The following NLRP5 variants were observed in gnomAD, a reference collection of about 807,000 sequenced individuals.
NLRP5 encodes NACHT, LRR and PYD domains-containing protein 5.
In NLRP5, 93 loss-of-function variants were observed where a neutral mutation model predicts 113.1. The ratio of observed to expected loss-of-function variants is 0.82; its 90% CI spans 0.70 to 0.98. The LOEUF is 0.98. Among genes scored for constraint, NLRP5 ranks in the 50% least tolerant of loss-of-function variants. The probability of loss-of-function intolerance (pLI) is 0.00; values close to 1 mark genes in which losing one functional copy is unlikely to be tolerated. For missense variants in NLRP5, 1,808 were observed against 1,514.3 expected (o/e 1.19, Z -3.22); for synonymous variants, 751 against 600.7 (o/e 1.25, Z -3.66).
chr19:55,992,556 C>T, the NLRP5 span, among the ~76,000 whole-genome samples: 7 of 152,216 alleles, frequency 4.6e-5, no homozygotes, highest in South Asian at 2.1e-4. Flanking sequence ...AATAATGACA[C>T]GTAACATTCT....
chr19:56,032,228 C>G (rs1232512365), intron 7 of NLRP5, among the ~76,000 whole-genome samples: 1 of 152,034 alleles, frequency 6.6e-6, no homozygotes, highest in African/African-American at 2.4e-5. Context: ...GCCTGTAGTC[C>G]CAGCTACTCG....
At chr19:56,055,453 T>C (rs1984096117) in intron 13 of NLRP5, among the ~76,000 whole-genome samples, 1 of 151,754 alleles carries the variant, frequency 6.6e-6, no homozygotes, top group Admixed American at 6.6e-5. Flanking sequence ...CTTTATCTTA[T>C]TTCTTATTAA....
chr19:56,015,555 G>A (rs536644764), intron 3 of NLRP5, among the ~76,000 whole-genome samples, 187 bp from the exon 4 acceptor site: 5 of 152,216 alleles, frequency 3.3e-5, no homozygotes, highest in East Asian at 1.9e-4. Flanking sequence ...TTGAATCGTC[G>A]GATCTTGAAT....
At chr19:56,057,091 G>A (rs191300453) in intron 13 of NLRP5, among the ~76,000 whole-genome samples, 43 of 152,282 alleles carry the variant, frequency 2.8e-4, no homozygotes, top group African/African-American at 8.4e-4. Flanking sequence ...AGTCGAGCTC[G>A]TGCCACCACA....
At chr19:56,053,868 T>G in intron 13 of NLRP5, 60 bp downstream of exon 13, 1 of 1,501,500 alleles carries the variant, frequency 6.7e-7, no homozygotes, top group Non-Finnish European at 9.2e-7. Flanking sequence ...GACCCCAGCA[T>G]GAGGTTGCTT....
At chr19:56,058,824 G>A (rs2123347166) in intron 14 of NLRP5, among the ~76,000 whole-genome samples, 1 of 152,288 alleles carries the variant, frequency 6.6e-6, no homozygotes, top group South Asian at 2.1e-4. Flanking sequence ...AAGTAACCCA[G>A]GCGCTCGTGG....
chr19:56,059,768 C>T (rs1984286179), intron 14 of NLRP5, among the ~76,000 whole-genome samples: 1 of 151,908 alleles, frequency 6.6e-6, no homozygotes, highest in Admixed American at 6.5e-5. Flanking sequence ...TCATATGATC[C>T]ACCAGCTTCA....
intron 7 of NLRP5, among the ~76,000 whole-genome samples, chr19:56,031,905 T>G (rs1983130474): frequency 6.6e-6 from 1 of 152,198 alleles, no homozygotes; most frequent in Non-Finnish European, 1.5e-5. Flanking sequence ...CATCCTGATC[T>G]CAGTTCTTCC....
At chr19:56,058,201 G>T in intron 13 of NLRP5, 39 bp from the exon 14 acceptor site, 1 of 1,540,222 alleles carries the variant, frequency 6.5e-7, no homozygotes, top group East Asian at 2.3e-5. Context: ...GTCCATCATC[G>T]ATCTTTGGGG....
In NLRP5 at chr19:56,027,998, G is replaced by T; in HGVS notation, c.1765G>T (p.Asp589Tyr). 6.2e-7 allele frequency: 1 copy of T among 1,613,964 alleles called. No homozygotes were observed. Among genetic ancestry groups the T allele is most frequent in the Middle Eastern group, 1.6e-4 (1 of 6,062 alleles). ...CACCTTCTTCCACCTCAGTCTCCAG[G>T]ACTTCTGTGCCGCCTTGTACTACGT... The change falls in exon 7 of 15, where the codon GAC becomes TAC. Residue 589 changes from aspartate (D) to tyrosine (Y), a missense_variant. Coordinates refer to ENST00000390649, the MANE Select transcript of NLRP5 (RefSeq NM_153447.4).
chr19:56,013,604 T>TTTTTTTTTTTTTTTTTTTTG (rs1306893733), intron 3 of NLRP5, among the ~76,000 whole-genome samples: 1 of 137,312 alleles, frequency 7.3e-6, no homozygotes, highest in Non-Finnish European at 1.6e-5. Flanking sequence ...GGGTTTTTTT[T>TTTTTTTTTTTTTTTTTTTTG]TTTTTTTTTT....
intron 5 of NLRP5, 123 bp downstream of exon 5, chr19:56,019,521 C>G (rs996622460): frequency 9.1e-7 from 1 of 1,103,196 alleles, no homozygotes; most frequent in Non-Finnish European, 1.3e-6. Flanking sequence ...TCATTTGTCT[C>G]TGGTGTCAAC....
At chr19:56,044,150 A>G (rs1599905549) in intron 11 of NLRP5, among the ~76,000 whole-genome samples, 1 of 145,146 alleles carries the variant, frequency 6.9e-6, no homozygotes, top group Admixed American at 6.9e-5. Context: ...TGCAACCTCC[A>G]CCTCCCAGGT....
At chr19:55,988,434 ATGTGTGTGTG>A in the NLRP5 span, 3 of 127,020 alleles carry the variant, frequency 2.4e-5, no homozygotes, top group African/African-American at 9.4e-5. Context: ...AAATATATAT[ATGTGTGTGTG>A]TATATATATA....
chr19:55,992,035 CAGGT>C, the NLRP5 span, among the ~76,000 whole-genome samples: 1 of 152,120 alleles, frequency 6.6e-6, no homozygotes, highest in Non-Finnish European at 1.5e-5. Context: ...CCTCCACCCT[CAGGT>C]AGACCCCAGT....
chr19:56,005,562 C>T (rs1164900580), intron 2 of NLRP5, among the ~76,000 whole-genome samples: 1 of 129,752 alleles, frequency 7.7e-6, no homozygotes, highest in Admixed American at 8.3e-5. Context: ...CCTGTACACA[C>T]ATATATATTT....
At chr19:56,024,471 G>A (rs985661047) in intron 6 of NLRP5, among the ~76,000 whole-genome samples, 6 of 145,086 alleles carry the variant, frequency 4.1e-5, no homozygotes, top group South Asian at 2.1e-4. Flanking sequence ...ACATATATAC[G>A]TGTGTATACG....
chr19:55,992,991 G>C, the NLRP5 span, among the ~76,000 whole-genome samples: 1 of 151,818 alleles, frequency 6.6e-6, no homozygotes, highest in South Asian at 2.1e-4. Context: ...CTGGGATTAC[G>C]GGCACCTGCC....
chr19:56,051,657 A>G (rs976284631), intron 12 of NLRP5, among the ~76,000 whole-genome samples: 17 of 152,218 alleles, frequency 1.1e-4, no homozygotes, highest in African/African-American at 3.9e-4. Flanking sequence ...GGATATGTCT[A>G]TTATAATAAA....
Sources: gnomAD v4.1 joint callset for allele counts (sites outside exome capture counted in the v4.1 genomes callset) on GRCh38, gnomAD v4.1.1 for gene constraint, MANE v1.5 for transcripts, NCBI Gene and HGNC (gene_info 2026-07-23, HGNC 2026-07-21) for gene names.